ERICH6B: variants seen among roughly 807,000 people sequenced by gnomAD.
ERICH6B encodes glutamate rich 6B.
Under a neutral mutation model 80.0 loss-of-function variants are expected in ERICH6B, and 69 were observed. The ratio of observed to expected loss-of-function variants is 0.86; its 90% CI spans 0.71 to 1.05. The LOEUF (loss-of-function observed/expected upper bound fraction) is 1.05, where lower values mean the gene tolerates loss of function less well. ERICH6B is among the 50% of genes least tolerant of loss of function. ERICH6B has a pLI of 0.00. For synonymous variants in ERICH6B, 283 were observed against 291.9 expected (o/e 0.97, Z 0.31); for missense variants, 754 against 796.1 (o/e 0.95, Z 0.64).
At chr13:45,570,244 G>T (rs1277139444) in intron 8 of ERICH6B, among the ~76,000 whole-genome samples, 1 of 152,126 alleles carries the variant, frequency 6.6e-6, no homozygotes, top group Non-Finnish European at 1.5e-5. Flanking sequence ...TTAATATCTG[G>T]TTCTTGGAAC....
chr13:45,613,430 C>T (rs1949910844), intron 1 of ERICH6B, among the ~76,000 whole-genome samples: 1 of 151,998 alleles, frequency 6.6e-6, no homozygotes, highest in Non-Finnish European at 1.5e-5. Context: ...TGATTGTGTC[C>T]ATGAACATGA....
chr13:45,579,756 G>A (rs1232009029), intron 7 of ERICH6B, among the ~76,000 whole-genome samples, 177 bp downstream of exon 7: 4 of 152,078 alleles, frequency 2.6e-5, no homozygotes, highest in African/African-American at 7.2e-5. Flanking sequence ...TCTGTTTCTC[G>A]TTTTAGCCTC....
intron 2 of ERICH6B, 126 bp from the exon 3 acceptor site, chr13:45,597,189 T>C: frequency 7.9e-6 from 5 of 631,990 alleles, no homozygotes; most frequent in Non-Finnish European, 1.3e-5. Flanking sequence ...TGCAGATCAG[T>C]ACATAGAGGC....
At position 45,550,217 on chromosome 13, in the gene ERICH6B, G is replaced by T; in HGVS notation, c.1493+14C>A. ...TATATGTCAATACGAGCATCCCTGT[G>T]CTTCTGTGGATACTGTATCTGGCCT... On this transcript the variant is annotated intron_variant, in intron 12 of 14. Coordinates refer to ENST00000298738, the MANE Select transcript of ERICH6B (RefSeq NM_182542.3). 2.6e-6 allele frequency: 4 copies of T among 1,548,810 alleles called. No homozygotes were observed. Among genetic ancestry groups the T allele is most frequent in the African/African-American group, 1.4e-5 (1 of 73,086 alleles).
chr13:45,579,111 G>A (rs1214504859), intron 7 of ERICH6B, among the ~76,000 whole-genome samples: 2 of 152,212 alleles, frequency 1.3e-5, no homozygotes. Flanking sequence ...AGATTACCAG[G>A]TAGTTGTCCT....
At chr13:45,566,286 CTATTTTCTGAGAAGAAAATCA>C (rs1874909909) in intron 9 of ERICH6B, among the ~76,000 whole-genome samples, 11 of 152,226 alleles carry the variant, frequency 7.2e-5, no homozygotes, top group Admixed American at 7.2e-4. Flanking sequence ...AAAGAAAATC[CTATTTTCTGAGAAGAAAATCA>C]AGCCAGCTGC....
intron 11 of ERICH6B, among the ~76,000 whole-genome samples, chr13:45,558,826 C>T (rs768784023): frequency 3.9e-5 from 6 of 152,058 alleles, no homozygotes; most frequent in South Asian, 2.1e-4. Flanking sequence ...TTATTGGATT[C>T]GGTTAGTTAG....
chr13:45,570,938 G>A lies in ERICH6B; in HGVS notation c.1051-2487C>T, dbSNP rs903123693. Among the ~76,000 whole-genome samples, 63 of 152,130 alleles carry A rather than the reference G, an allele frequency of 4.1e-4. 2 individuals are homozygous for A. Among genetic ancestry groups the A allele is most frequent in the Admixed American group, 4.1e-3 (62 of 15,276 alleles). On this transcript the variant is annotated intron_variant, in intron 8 of 14. Coordinates refer to ENST00000298738, the MANE Select transcript of ERICH6B (RefSeq NM_182542.3). ...GTGTGGCATTCACTCCACTGCAGCT[G>A]CAGGTTCCATGTGGCATTCGCTCCA...
chr13:45,607,275 G>C (rs1216338074), intron 2 of ERICH6B, among the ~76,000 whole-genome samples: 4 of 152,180 alleles, frequency 2.6e-5, no homozygotes, highest in African/African-American at 9.6e-5. Context: ...TTCAGAGCTT[G>C]CAGATAAGAG....
chr13:45,592,202 A>G (rs1876183641), intron 3 of ERICH6B, among the ~76,000 whole-genome samples: 1 of 152,248 alleles, frequency 6.6e-6, no homozygotes, highest in African/African-American at 2.4e-5. Flanking sequence ...TATGTACCCT[A>G]TGCCATCAGA....
intron 1 of ERICH6B, among the ~76,000 whole-genome samples, chr13:45,613,989 T>A (rs1184045492): frequency 6.6e-6 from 1 of 152,152 alleles, no homozygotes; most frequent in Non-Finnish European, 1.5e-5. Flanking sequence ...GCAGGATACA[T>A]CAGCCCCATC....
At chr13:45,542,676 C>A (rs1873829776) in intron 14 of ERICH6B, among the ~76,000 whole-genome samples, 1 of 152,188 alleles carries the variant, frequency 6.6e-6, no homozygotes, top group Non-Finnish European at 1.5e-5. Flanking sequence ...GCTGTCCAGC[C>A]CCAGCTGGTC....
Position 45,549,919 on chromosome 13 carries a change from G to A in ERICH6B, c.1620C>T (p.Thr540=). The change falls in exon 13 of 15, where the codon ACC becomes ACT. Residue 540 remains threonine, a synonymous_variant. Transcript: ENST00000298738. The part of the protein sequence containing the change: ...RALINNSGNA[T]FYDENSDIWL... The stretch of plus-strand genomic sequence containing the variant: ...AGATATCACTATTTTCATCATAGAA[G>A]GTAGCATTGCCTGAGTTGTTGATAA... The A allele has an allele frequency of 6.4e-7, 1 of 1,551,314 alleles. No individual in the cohort carries two copies. The highest frequency in any genetic ancestry group is 8.7e-7 in the Non-Finnish European group (1 of 1,146,934).
intron 8 of ERICH6B, among the ~76,000 whole-genome samples, chr13:45,574,122 T>C (rs1875282971): frequency 6.6e-6 from 1 of 152,224 alleles, no homozygotes. Flanking sequence ...AACATATATC[T>C]GCTTAACTTT....
chr13:45,573,977 T>C (rs1277124912), intron 8 of ERICH6B, among the ~76,000 whole-genome samples: 3 of 152,206 alleles, frequency 2.0e-5, no homozygotes, highest in African/African-American at 7.2e-5. Context: ...TCAGTAAATC[T>C]TAGTAATACG....
rs568886865 is a variant in ERICH6B, at chr13:45,587,909, G to A, written c.687-677C>T. 1.8e-4 allele frequency among the ~76,000 whole-genome samples: 28 copies of A among 152,310 alleles called. 1 individual carries two copies. In the South Asian group the frequency reaches 4.3e-3, roughly 24 times the overall value. On this transcript the variant is annotated intron_variant, in intron 4 of 14. Coordinates refer to ENST00000298738, the MANE Select transcript of ERICH6B (RefSeq NM_182542.3). ...CCCTGGAGTTATTTCATGTCAACTG[G>A]CCCAATTGGCAGAGATGGGACAAGG...
chr13:45,607,458 G>A (rs1370740163), intron 2 of ERICH6B, 106 bp downstream of exon 2: 2 of 152,274 alleles, frequency 1.3e-5, no homozygotes, highest in Non-Finnish European at 2.9e-5. Flanking sequence ...CTAGGATCAC[G>A]GAGTGGCTAA....
At chr13:45,564,243 T>C (rs976544143) in intron 9 of ERICH6B, among the ~76,000 whole-genome samples, 1 of 152,248 alleles carries the variant, frequency 6.6e-6, no homozygotes, top group African/African-American at 2.4e-5. Context: ...AAAGGACTTA[T>C]CATGAAAGCC....
rs899765937 is a variant in ERICH6B at position 45,577,527 on chromosome 13, C to T, written c.961+2406G>A. Among the ~76,000 whole-genome samples the T allele has an allele frequency of 3.9e-5, 6 of 152,118 alleles. No homozygotes were observed. The East Asian group carries it at 9.7e-4, about 24-fold the overall frequency. On this transcript the variant is annotated intron_variant, in intron 7 of 14. Transcript: ENST00000298738. ...TCTACCTCTTGACCTCGTGATCTGC[C>T]GGCCTCAGCCTCCCAAAATGCTGGG...
Sources: gnomAD v4.1 joint callset for allele counts (sites outside exome capture counted in the v4.1 genomes callset) on GRCh38, gnomAD v4.1.1 for gene constraint, MANE v1.5 for transcripts, NCBI Gene and HGNC (gene_info 2026-07-23, HGNC 2026-07-21) for gene names.